Variants in NXPE3 observed in about 807,000 individuals in gnomAD.
NXPE3 encodes the protein neurexophilin and PC-esterase domain family member 3.
NXPE3 carries 26 observed loss-of-function variants against 46.1 expected under a neutral mutation model. That is an observed-to-expected ratio of 0.56 (90% CI 0.41 to 0.78). NXPE3 has a LOEUF of 0.78. Among genes scored for constraint, NXPE3 ranks in the 30% least tolerant of loss-of-function variants. NXPE3 has a pLI of 0.00. For missense variants in NXPE3, 620 were observed against 686.0 expected (o/e 0.90, Z 1.07); for synonymous variants, 272 against 257.9 (o/e 1.05, Z -0.52).
intron 4 of NXPE3, among the ~76,000 whole-genome samples, chr3:101,790,818 A>G (rs1576735001): frequency 6.6e-6 from 1 of 151,806 alleles, no homozygotes; most frequent in Non-Finnish European, 1.5e-5. Flanking sequence ...CTGGTCTTGC[A>G]CTCCTGGGCT....
At chr3:101,794,521 G>A (rs188389294) in intron 4 of NXPE3, among the ~76,000 whole-genome samples, 2 of 152,292 alleles carry the variant, frequency 1.3e-5, no homozygotes, top group Non-Finnish European at 2.9e-5. Flanking sequence ...TTTCTAGATG[G>A]AGTTCGAAAT....
At chr3:101,798,610 T>G (rs1305286544) in intron 4 of NXPE3, among the ~76,000 whole-genome samples, 1 of 145,162 alleles carries the variant, frequency 6.9e-6, no homozygotes. Flanking sequence ...ATATTTTTTT[T>G]TTTTTTCTTT....
At chr3:101,795,348 C>T (rs1049582433) in intron 4 of NXPE3, among the ~76,000 whole-genome samples, 4 of 152,052 alleles carry the variant, frequency 2.6e-5, no homozygotes, top group Admixed American at 6.6e-5. Context: ...GCGAAACCCC[C>T]GTCTCTACTA....
intron 4 of NXPE3, among the ~76,000 whole-genome samples, chr3:101,798,834 G>A (rs557375760): frequency 4.9e-4 from 75 of 152,012 alleles, no homozygotes; most frequent in African/African-American, 1.7e-3. Flanking sequence ...GACTAGTCTC[G>A]AACTCTTGAG....
At chr3:101,814,288 A>G (rs961946624) in intron 6 of NXPE3, among the ~76,000 whole-genome samples, 1 of 152,268 alleles carries the variant, frequency 6.6e-6, no homozygotes, top group Non-Finnish European at 1.5e-5. Flanking sequence ...CACAAGGTGC[A>G]GTAACATATT....
In NXPE3 at chr3:101,801,443, C is replaced by T; in HGVS notation, c.302C>T (p.Thr101Ile). 6.2e-7 allele frequency: 1 copy of T among 1,614,230 alleles called. No individual in the cohort carries two copies. The change falls in exon 5 of 8, where the codon ACT becomes ATT. Residue 101 changes from threonine (T) to isoleucine (I), a missense_variant. By Grantham distance (89) the Thr-to-Ile change is moderately conservative. This residue lies in a region of NXPE3 where 511 missense variants were observed against 528.6 expected (regional missense o/e 0.97). Coordinates refer to ENST00000273347, the MANE Select transcript of NXPE3 (RefSeq NM_145037.4). The stretch of plus-strand genomic sequence containing the variant: ...GGCCCAGTCCCCTTTGTGAAGAGCA[C>T]TGACCCTTCTTCCAGCTACTTTGTC... ...DVGPVPFVKS[T>I]DPSSSYFVIL... is the part of the protein sequence containing the mutation.
chr3:101,789,705 T>C (rs1940392689), intron 4 of NXPE3, among the ~76,000 whole-genome samples: 1 of 152,178 alleles, frequency 6.6e-6, no homozygotes, highest in African/African-American at 2.4e-5. Flanking sequence ...TTTAGGTTTT[T>C]TTTGGCGACA....
At chr3:101,808,842 T>TATATATATATATATATATAC (rs1560057786) in intron 6 of NXPE3, among the ~76,000 whole-genome samples, 1 of 59,972 alleles carries the variant, frequency 1.7e-5, no homozygotes, top group Non-Finnish European at 3.7e-5. Flanking sequence ...TATATATATA[T>TATATATATATATATATATAC]ATATATATAT....
chr3:101,783,025 C>A (rs1939921106), intron 3 of NXPE3, among the ~76,000 whole-genome samples: 1 of 152,130 alleles, frequency 6.6e-6, no homozygotes, highest in African/African-American at 2.4e-5. Context: ...AAAACAAAAA[C>A]TGCCAAGAGG....
Position 101,808,836 on chromosome 3 carries a change from T to TAC in NXPE3, c.922+1711_922+1712insCA, listed in dbSNP as rs1560057699. ...TTTAGAGGATATATATATATATATA[T>TAC]ATATATATATATATATATATGAGAC... On this transcript the variant is annotated intron_variant, in intron 6 of 7. Transcript: ENST00000273347. Among the ~76,000 whole-genome samples, 104 of 117,012 alleles carry TAC rather than the reference T, an allele frequency of 8.9e-4. 3 individuals are homozygous for TAC. The highest frequency in any genetic ancestry group is 3.8e-3 in the Middle Eastern group (1 of 264). 76.8% of individuals were successfully genotyped at this position (117,012 alleles called of 152,430 possible).
chr3:101,792,043 TG>T (rs1236087770), intron 4 of NXPE3, among the ~76,000 whole-genome samples: 26 of 152,322 alleles, frequency 1.7e-4, no homozygotes, highest in African/African-American at 6.3e-4. Flanking sequence ...TCAGTGATAT[TG>T]AGCTCTTTGG....
Position 101,821,778 on chromosome 3 carries a change from A to G in NXPE3, c.1504A>G (p.Asn502Asp). The stretch of plus-strand genomic sequence containing the variant: ...GAGCCTTTTCAACAGCGACTGGTAC[A>G]ACTTTCAGCTGGACACCATCCTTCG... ...EVSLFNSDWY[N>D]FQLDTILRRM... Residue 502 changes from asparagine to aspartate, a missense_variant, in exon 8 of 8, where the codon AAC becomes GAC. This residue lies in a region of NXPE3 where 75 missense variants were observed against 121.1 expected (regional missense o/e 0.62). Coordinates refer to ENST00000273347, the MANE Select transcript of NXPE3 (RefSeq NM_145037.4). The G allele has an allele frequency of 6.2e-7, 1 of 1,614,198 alleles. No individual in the cohort carries two copies. The highest frequency in any genetic ancestry group is 8.5e-7 in the Non-Finnish European group (1 of 1,180,036).
At chr3:101,807,236 C>A (rs1941459457) in intron 6 of NXPE3, 110 bp downstream of exon 6, 2 of 723,774 alleles carry the variant, frequency 2.8e-6, no homozygotes, top group Non-Finnish European at 4.8e-6. Context: ...TACTTCTGGG[C>A]ACAATTGAAA....
In NXPE3 at chr3:101,795,339, C is replaced by T. The variant is rs561217608; in HGVS notation, c.94-5896C>T. On this transcript the variant is annotated intron_variant, in intron 4 of 7. Transcript: ENST00000273347. ...TTTGAGACCAGCTTGGCCGACATGG[C>T]GAAACCCCCGTCTCTACTAAAAATA... Among the ~76,000 whole-genome samples, 26 of 152,086 alleles carry T rather than the reference C, an allele frequency of 1.7e-4. No homozygotes were observed. The South Asian group carries it at 5.4e-3, about 32-fold the overall frequency.
At position 101,785,505 on chromosome 3, in the gene NXPE3, C is replaced by G. The variant is rs1940103884; in HGVS notation, c.-92C>G. The G allele has an allele frequency of 1.8e-6, 2 of 1,090,852 alleles. No individual in the cohort carries two copies. The highest frequency in any genetic ancestry group is 2.8e-6 in the Non-Finnish European group (2 of 706,900). The allele number at this position is 1,090,852 out of a possible 1,614,324, so 67.6% of individuals were successfully genotyped here. ...GGATAGAAGCAAATGAAACTGAAAG[C>G]TCATCTGCAGCTCAGAAAAGCAAAG... On this transcript the variant is annotated 5_prime_UTR_variant, in exon 4 of 8. Coordinates refer to ENST00000273347, the MANE Select transcript of NXPE3 (RefSeq NM_145037.4).
chr3:101,807,143 G>A lies in NXPE3; in HGVS notation c.922+17G>A. On this transcript the variant is annotated intron_variant, in intron 6 of 7. Transcript: ENST00000273347. ...GAATAAAAGGTAAAAAAAAGAATAA[G>A]CTTGATGATTTGTTGTTTTTCTTAC... is the stretch of plus-strand genomic sequence containing the variant. 1 of 1,594,840 alleles carries A rather than the reference G, an allele frequency of 6.3e-7. No homozygotes were observed. Among genetic ancestry groups the A allele is most frequent in the East Asian group, 2.2e-5 (1 of 44,742 alleles).
chr3:101,799,507 A>G (rs1342958485), intron 4 of NXPE3, among the ~76,000 whole-genome samples: 2 of 151,876 alleles, frequency 1.3e-5, no homozygotes, highest in African/African-American at 4.8e-5. Context: ...GCTCACTGCA[A>G]CCTCTGCCTC....
Position 101,801,599 on chromosome 3 carries a change from T to G in NXPE3, c.458T>G (p.Leu153Arg), listed in dbSNP as rs1941152141. Residue 153 changes from leucine (L) to arginine (R), a missense_variant, in exon 5 of 8, where the codon CTG becomes CGG. Physicochemically the swap from Leu to Arg is moderately radical, Grantham distance 102. Coordinates refer to ENST00000273347, the MANE Select transcript of NXPE3 (RefSeq NM_145037.4). ...YLQARIHSLK[L>R]QAGAVGRVVD... ...CAGGCCAGAATTCACTCCCTCAAGCTGCAGGCTGGGGCTGTGGGCAGGGTG... is the reference window on the plus strand; with the variant it reads ...CAGGCCAGAATTCACTCCCTCAAGCGGCAGGCTGGGGCTGTGGGCAGGGTG... 1.2e-6 allele frequency: 2 copies of G among 1,614,170 alleles called. No individual in the cohort carries two copies. The highest frequency in any genetic ancestry group is 1.7e-6 in the Non-Finnish European group (2 of 1,180,000).
At chr3:101,792,311 G>A (rs1940565442) in intron 4 of NXPE3, among the ~76,000 whole-genome samples, 1 of 152,130 alleles carries the variant, frequency 6.6e-6, no homozygotes, top group South Asian at 2.1e-4. Flanking sequence ...AATTGCTTTT[G>A]GTGTTTTTGT....
Sources: allele counts gnomAD v4.1 joint callset (sites outside exome capture counted in the v4.1 genomes callset), GRCh38; gene constraint gnomAD v4.1.1; regional missense constraint gnomAD v4.1.1; transcripts MANE v1.5; gene names NCBI Gene and HGNC (gene_info 2026-07-23, HGNC 2026-07-21).